RCAN2: variants seen among roughly 807,000 people sequenced by gnomAD.
The protein encoded by RCAN2 is calcipressin-2.
RCAN2 carries 9 observed loss-of-function variants against 23.6 expected under a neutral mutation model. The ratio of observed to expected loss-of-function variants is 0.38; its 90% confidence interval spans 0.23 to 0.67. The LOEUF (loss-of-function observed/expected upper bound fraction) is 0.67, where lower values mean the gene tolerates loss of function less well. Among genes scored for constraint, RCAN2 ranks in the 30% least tolerant of loss-of-function variants. The probability of loss-of-function intolerance (pLI) is 0.51; values close to 1 mark genes in which losing one functional copy is unlikely to be tolerated. For missense variants in RCAN2, 273 were observed against 302.3 expected, an observed-to-expected ratio of 0.90 and a Z score of 0.72; for synonymous variants, 109 against 115.7, an observed-to-expected ratio of 0.94 and a Z score of 0.37.
intron 2 of RCAN2, among the ~76,000 whole-genome samples, chr6:46,438,798 C>T (rs1767444419): frequency 6.6e-6 from 1 of 152,118 alleles, no homozygotes; most frequent in African/African-American, 2.4e-5. Flanking sequence ...TTCATGAGGG[C>T]TTGCATTTCT....
intron 2 of RCAN2, among the ~76,000 whole-genome samples, chr6:46,375,129 G>A (rs1314574513): frequency 6.6e-6 from 1 of 152,172 alleles, no homozygotes; most frequent in Non-Finnish European, 1.5e-5. Context: ...ATGTTTAGTA[G>A]AGACGGGGTT....
chr6:46,321,764 G>A (rs1763625878), intron 2 of RCAN2, among the ~76,000 whole-genome samples: 1 of 152,228 alleles, frequency 6.6e-6, no homozygotes, highest in Admixed American at 6.5e-5. Context: ...CTCAGAATCA[G>A]GTGAAGGAAC....
At chr6:46,374,430 T>G (rs189392924) in intron 2 of RCAN2, among the ~76,000 whole-genome samples, 114 of 152,304 alleles carry the variant, frequency 7.5e-4, no homozygotes, top group African/African-American at 2.6e-3. Flanking sequence ...CAGAAAATCA[T>G]TTTTTATATT....
intron 2 of RCAN2, among the ~76,000 whole-genome samples, chr6:46,258,454 A>C (rs965622649): frequency 1.3e-5 from 2 of 152,234 alleles, no homozygotes; most frequent in African/African-American, 2.4e-5. Context: ...ATCTTTCTTC[A>C]CTAACAAGAG....
chr6:46,462,366 C>T (rs375137050), intron 1 of RCAN2, among the ~76,000 whole-genome samples: 1 of 152,106 alleles, frequency 6.6e-6, no homozygotes, highest in South Asian at 2.1e-4. Flanking sequence ...TAGACAATTG[C>T]ATTTGACTCA....
chr6:46,437,319 T>C (rs1015589769), intron 2 of RCAN2, among the ~76,000 whole-genome samples: 2 of 152,244 alleles, frequency 1.3e-5, no homozygotes, highest in Non-Finnish European at 2.9e-5. Flanking sequence ...ACATGTGTTT[T>C]GGCTGCTTTT....
intron 2 of RCAN2, among the ~76,000 whole-genome samples, chr6:46,286,695 C>T (rs1205882824): frequency 6.6e-6 from 1 of 152,012 alleles, no homozygotes; most frequent in Non-Finnish European, 1.5e-5. Context: ...ACAGACATGC[C>T]CAGGCAGTTA....
intron 2 of RCAN2, among the ~76,000 whole-genome samples, chr6:46,367,777 T>C (rs1466059307): frequency 6.6e-6 from 1 of 152,234 alleles, no homozygotes; most frequent in African/African-American, 2.4e-5. Context: ...TGTTTTACTT[T>C]TCTACTTTTC....
At chr6:46,445,548 G>A (rs556407799) in intron 2 of RCAN2, among the ~76,000 whole-genome samples, 155 of 152,292 alleles carry the variant, frequency 1.0e-3, no homozygotes, top group African/African-American at 3.3e-3. Flanking sequence ...TCAGGGAAAC[G>A]TGACAGCATC....
chr6:46,303,758 T>C (rs1762983052), intron 2 of RCAN2, among the ~76,000 whole-genome samples: 1 of 152,154 alleles, frequency 6.6e-6, no homozygotes, highest in Admixed American at 6.6e-5. Context: ...CATGTACTTT[T>C]AAAATCTGTT....
rs71305761 is a variant in RCAN2, at chr6:46,383,168, A to AGTGTGTGTGT, written c.225+73574_225+73583dup. Among the ~76,000 whole-genome samples, 51 of 139,400 alleles carry AGTGTGTGTGT rather than the reference A, an allele frequency of 3.7e-4. 1 individual carries two copies. The highest frequency in any genetic ancestry group is 1.5e-3 in the East Asian group (7 of 4,684). 91.5% of individuals were successfully genotyped at this position (139,400 alleles called of 152,430 possible). On this transcript the variant is annotated intron_variant, in intron 2 of 4. Coordinates refer to ENST00000371374, the MANE Select transcript of RCAN2 (RefSeq NM_001251974.2). ...AGGAAAAGATTCGTGCAGCCTGGGT[A>AGTGTGTGTGT]GTGTGTGTGTGTGTGTGTGTGTGTG...
At chr6:46,456,345 C>T (rs930699766) in intron 2 of RCAN2, among the ~76,000 whole-genome samples, 5 of 152,068 alleles carry the variant, frequency 3.3e-5, no homozygotes, top group Non-Finnish European at 5.9e-5. Flanking sequence ...CGTCAAGCTG[C>T]GGGAAGGCTG....
At chr6:46,397,664 C>T (rs1224490308) in intron 2 of RCAN2, among the ~76,000 whole-genome samples, 1 of 151,980 alleles carries the variant, frequency 6.6e-6, no homozygotes, top group Non-Finnish European at 1.5e-5. Flanking sequence ...AGACCCTTTA[C>T]ATGTAAAAAA....
At chr6:46,369,183 G>A (rs773364728) in intron 2 of RCAN2, among the ~76,000 whole-genome samples, 5 of 151,744 alleles carry the variant, frequency 3.3e-5, no homozygotes, top group African/African-American at 7.3e-5. Context: ...TCCACATCTC[G>A]TCCCACTGGA....
At chr6:46,267,884 A>C (rs904432739) in intron 2 of RCAN2, among the ~76,000 whole-genome samples, 3 of 152,160 alleles carry the variant, frequency 2.0e-5, no homozygotes, top group African/African-American at 4.8e-5. Context: ...TATCTAAATA[A>C]AATTTTAAGA....
intron 4 of RCAN2, among the ~76,000 whole-genome samples, chr6:46,226,628 T>C (rs894240665): frequency 1.3e-5 from 2 of 152,240 alleles, no homozygotes; most frequent in South Asian, 2.1e-4. Flanking sequence ...TTTTTGCACA[T>C]TGATTTTGTA....
chr6:46,410,004 T>C (rs114763938), intron 2 of RCAN2, among the ~76,000 whole-genome samples: 1,970 of 152,128 alleles, frequency 0.013, 36 homozygotes, highest in African/African-American at 0.044. Context: ...GGAAAGGTGA[T>C]TTTGTTTTCT....
At chr6:46,240,569 G>A (rs1172377136) in intron 4 of RCAN2, among the ~76,000 whole-genome samples, 2 of 152,128 alleles carry the variant, frequency 1.3e-5, no homozygotes, top group Non-Finnish European at 2.9e-5. Context: ...GTGCTAATGG[G>A]AACACTGGAC....
intron 4 of RCAN2, among the ~76,000 whole-genome samples, chr6:46,240,099 C>G (rs1766251353): frequency 6.6e-6 from 1 of 152,122 alleles, no homozygotes; most frequent in Non-Finnish European, 1.5e-5. Context: ...TGGGAGAGCC[C>G]TCTGTGAGCT....
Sources: allele counts gnomAD v4.1 joint callset (sites outside exome capture counted in the v4.1 genomes callset), GRCh38; gene constraint gnomAD v4.1.1; transcripts MANE v1.5; gene names NCBI Gene and HGNC (gene_info 2026-07-23, HGNC 2026-07-21).